The following ZNF609 variants were observed in gnomAD, a reference collection of about 807,000 sequenced individuals.
ZNF609 encodes the protein zinc finger protein 609.
In ZNF609, 11 loss-of-function variants were observed where a neutral mutation model predicts 109.5. The observed-to-expected ratio is 0.10, with a 90% CI of 0.06 to 0.17. The LOEUF is 0.17. Among genes scored for constraint, ZNF609 ranks in the 10% least tolerant of loss-of-function variants. ZNF609 has a pLI of 1.00. For synonymous variants in ZNF609, 646 were observed against 662.0 expected (o/e 0.98, Z 0.37); for missense variants, 1,559 against 1,772.4 (o/e 0.88, Z 2.16).
chr15:64,506,447 G>A (rs1260822353), intron 2 of ZNF609, among the ~76,000 whole-genome samples: 5 of 148,884 alleles, frequency 3.4e-5, no homozygotes, highest in Admixed American at 1.4e-4. Context: ...TAGGCCGGGC[G>A]CGGTGGCTCA....
At chr15:64,518,698 T>C (rs547130010) in intron 2 of ZNF609, among the ~76,000 whole-genome samples, 1 of 152,010 alleles carries the variant, frequency 6.6e-6, no homozygotes, top group African/African-American at 2.4e-5. Flanking sequence ...AGGAGCAAAG[T>C]GGGTAGATTT....
At chr15:64,531,067 C>T (rs1894053850) in intron 2 of ZNF609, among the ~76,000 whole-genome samples, 1 of 152,184 alleles carries the variant, frequency 6.6e-6, no homozygotes, top group Non-Finnish European at 1.5e-5. Flanking sequence ...ACATGTACTG[C>T]ATTTAATACC....
In ZNF609 at chr15:64,675,424, G is replaced by C; in HGVS notation, c.2570G>C (p.Gly857Ala). 2.5e-6 allele frequency: 4 copies of C among 1,614,160 alleles called. No individual in the cohort carries two copies. The highest frequency in any genetic ancestry group is 3.4e-6 in the Non-Finnish European group (4 of 1,180,028). Residue 857 changes from glycine (G) to alanine (A), a missense_variant, in exon 5 of 10, where the codon GGC becomes GCC. Gly to Ala is a moderately conservative substitution (Grantham distance 60, BLOSUM62 0). Transcript: ENST00000326648. The stretch of plus-strand genomic sequence containing the variant: ...TCTGATGCTGGGGAGGATGGGGAGG[G>C]CAAGGTAGACAGTGTCAAATCAAAG... ...DISDAGEDGE[G>A]KVDSVKSKDA...
intron 2 of ZNF609, among the ~76,000 whole-genome samples, chr15:64,572,811 G>T (rs1353702534): frequency 6.6e-6 from 1 of 152,210 alleles, no homozygotes; most frequent in Non-Finnish European, 1.5e-5. Context: ...TGAGGCAGGA[G>T]AATTGCTTGA....
chr15:64,545,462 G>A (rs1019823211), intron 2 of ZNF609, among the ~76,000 whole-genome samples: 4 of 152,148 alleles, frequency 2.6e-5, no homozygotes, highest in African/African-American at 9.7e-5. Flanking sequence ...GCCACCCAAA[G>A]TGCTGGGATT....
At chr15:64,523,396 A>G (rs1350822816) in intron 2 of ZNF609, among the ~76,000 whole-genome samples, 1 of 152,346 alleles carries the variant, frequency 6.6e-6, no homozygotes, top group Non-Finnish European at 1.5e-5. Flanking sequence ...TGAAGAAATC[A>G]GACCAGGATT....
At chr15:64,572,424 T>C (rs2140414801) in intron 2 of ZNF609, among the ~76,000 whole-genome samples, 1 of 151,908 alleles carries the variant, frequency 6.6e-6, no homozygotes, top group Admixed American at 6.6e-5. Context: ...GCCAGGGAGA[T>C]TGATCCCTGT....
intron 1 of ZNF609, among the ~76,000 whole-genome samples, chr15:64,463,011 T>C (rs926696951): frequency 1.3e-5 from 2 of 152,144 alleles, no homozygotes; most frequent in African/African-American, 4.8e-5. Flanking sequence ...CCCAGCACTT[T>C]GGGAGGCTGA....
chr15:64,659,737 C>T (rs1030002504), intron 3 of ZNF609, among the ~76,000 whole-genome samples: 4 of 152,032 alleles, frequency 2.6e-5, no homozygotes, highest in African/African-American at 9.7e-5. Context: ...TTTTAAAATA[C>T]GCTCTGTATA....
chr15:64,605,126 C>T (rs868167056), intron 2 of ZNF609, among the ~76,000 whole-genome samples: 4 of 152,258 alleles, frequency 2.6e-5, no homozygotes, highest in Middle Eastern at 3.4e-3. Flanking sequence ...CCACCGTGCC[C>T]GGCCTAATTT....
chr15:64,593,863 G>A (rs1895343612), intron 2 of ZNF609, among the ~76,000 whole-genome samples: 1 of 152,176 alleles, frequency 6.6e-6, no homozygotes, highest in Non-Finnish European at 1.5e-5. Flanking sequence ...TCATTTCATA[G>A]TATAATTGAG....
At chr15:64,577,464 CATATATATGTAT>C (rs1895010632) in intron 2 of ZNF609, among the ~76,000 whole-genome samples, 1 of 35,592 alleles carries the variant, frequency 2.8e-5, no homozygotes, top group African/African-American at 7.5e-5. Flanking sequence ...TAAATATATA[CATATATATGTAT>C]ATATATACAC....
At chr15:64,470,349 A>G (rs774510923) in intron 1 of ZNF609, 2 of 150,696 alleles carry the variant, frequency 1.3e-5, no homozygotes, top group African/African-American at 4.9e-5. Flanking sequence ...CACCCAGCCA[A>G]TTACGTTATT....
intron 3 of ZNF609, chr15:64,652,764 C>G (rs1380316494): frequency 2.6e-5 from 4 of 152,262 alleles, no homozygotes; most frequent in Non-Finnish European, 5.9e-5. Context: ...AACTCCTGGA[C>G]TCAAGCAGTC....
chr15:64,487,655 CG>C (rs1425579505), intron 1 of ZNF609, among the ~76,000 whole-genome samples: 1 of 150,936 alleles, frequency 6.6e-6, no homozygotes, highest in Non-Finnish European at 1.5e-5. Context: ...TTTTTTGAGA[CG>C]GAGTCTTGCT....
At chr15:64,572,919 A>G (rs148013795) in intron 2 of ZNF609, among the ~76,000 whole-genome samples, 1 of 152,322 alleles carries the variant, frequency 6.6e-6, no homozygotes, top group East Asian at 1.9e-4. Context: ...AAAAGAAAAG[A>G]AAAGAAAGTC....
intron 2 of ZNF609, 76 bp from the exon 3 acceptor site, chr15:64,622,751 A>T: frequency 7.9e-6 from 10 of 1,263,940 alleles, no homozygotes; most frequent in East Asian, 2.3e-5. Context: ...ATATAGGACT[A>T]GATTAAATAC....
At chr15:64,489,693 C>T (rs1893385350) in intron 1 of ZNF609, among the ~76,000 whole-genome samples, 1 of 151,878 alleles carries the variant, frequency 6.6e-6, no homozygotes, top group Non-Finnish European at 1.5e-5. Context: ...CCATGCATGG[C>T]TAATTTTTGT....
intron 3 of ZNF609, among the ~76,000 whole-genome samples, chr15:64,668,567 A>T (rs1595758248): frequency 6.6e-6 from 1 of 152,182 alleles, no homozygotes; most frequent in African/African-American, 2.4e-5. Flanking sequence ...GGAGTTCAAG[A>T]CCAGCCTGGG....
Sources: gnomAD v4.1 joint callset for allele counts (sites outside exome capture counted in the v4.1 genomes callset) on GRCh38, gnomAD v4.1.1 for gene constraint, MANE v1.5 for transcripts, NCBI Gene and HGNC (gene_info 2026-07-23, HGNC 2026-07-21) for gene names.